PDE11A: variants seen among roughly 807,000 people sequenced by gnomAD.
PDE11A encodes phosphodiesterase 11A.
PDE11A carries 100 observed loss-of-function variants against 100.5 expected under a neutral mutation model. The observed-to-expected ratio is 1.00, with a 90% CI of 0.85 to 1.18. The LOEUF is 1.18. Ranked by LOEUF, PDE11A falls within the 50% of genes most tolerant of loss-of-function variation. The pLI is 0.00. For missense variants in PDE11A, 1,141 were observed against 1,152.6 expected (o/e 0.99, Z 0.15); for synonymous variants, 381 against 420.8 (o/e 0.91, Z 1.16).
At position 177,858,719 on chromosome 2, in the gene PDE11A, C is replaced by T. The variant is rs1371024290; in HGVS notation, c.1367+17140G>A. Among the ~76,000 whole-genome samples the T allele has an allele frequency of 2.0e-5, 3 of 152,194 alleles. No homozygotes were observed. The East Asian group carries it at 5.8e-4, about 29-fold the overall frequency. On this transcript the variant is annotated intron_variant, in intron 5 of 19. Coordinates refer to ENST00000286063, the MANE Select transcript of PDE11A (RefSeq NM_016953.4). ...CTCAGGGATCTAGAACTAGAAATAC[C>T]ATTTGACCCAGCCATCCCATTACTG... is the stretch of plus-strand genomic sequence containing the variant.
chr2:177,760,211 A>T (rs16865769), intron 10 of PDE11A, among the ~76,000 whole-genome samples: 21 of 152,276 alleles, frequency 1.4e-4, no homozygotes, highest in African/African-American at 2.2e-4. Context: ...GTGAGCCTCA[A>T]GTGAGATAAT....
chr2:177,977,815 G>A (rs2085829632), intron 2 of PDE11A, among the ~76,000 whole-genome samples: 1 of 139,582 alleles, frequency 7.2e-6, no homozygotes, highest in Non-Finnish European at 1.6e-5. Flanking sequence ...AGAAAAACAA[G>A]CAATGGGGAA....
chr2:177,861,901 A>G (rs2083951246), intron 5 of PDE11A, among the ~76,000 whole-genome samples: 1 of 151,922 alleles, frequency 6.6e-6, no homozygotes, highest in Non-Finnish European at 1.5e-5. Flanking sequence ...ATCTCACACC[A>G]TGTACAAAAA....
chr2:177,889,484 GT>G (rs368627763), intron 4 of PDE11A, among the ~76,000 whole-genome samples: 127 of 148,306 alleles, frequency 8.6e-4, no homozygotes, highest in African/African-American at 2.4e-3. Context: ...AATTTTGAAT[GT>G]TTTTTTTTTC....
At chr2:177,650,873 A>C (rs6748696) in intron 19 of PDE11A, among the ~76,000 whole-genome samples, 10,108 of 152,144 alleles carry the variant, frequency 0.066, 928 homozygotes, top group African/African-American at 0.21. Context: ...TAAAAATAGC[A>C]TGTTTCTTCT....
intron 4 of PDE11A, among the ~76,000 whole-genome samples, chr2:177,885,222 G>GTGTA (rs761316473): frequency 1.1e-3 from 171 of 151,796 alleles, no homozygotes; most frequent in Admixed American, 1.9e-3. Context: ...GTGTGTGTGT[G>GTGTA]TATATATAGT....
At chr2:177,931,986 C>A (rs1450258370) in intron 2 of PDE11A, among the ~76,000 whole-genome samples, 2 of 148,294 alleles carry the variant, frequency 1.3e-5, no homozygotes, top group Non-Finnish European at 3.0e-5. Context: ...AGTGGCATTA[C>A]AACTGATCCC....
intron 4 of PDE11A, among the ~76,000 whole-genome samples, chr2:177,892,925 A>T (rs1439173819): frequency 6.6e-6 from 1 of 152,172 alleles, no homozygotes; most frequent in African/African-American, 2.4e-5. Flanking sequence ...GGGACTCTAG[A>T]AAAGCTGTCA....
intron 2 of PDE11A, among the ~76,000 whole-genome samples, chr2:178,009,224 G>A (rs2086247322): frequency 6.6e-6 from 1 of 152,084 alleles, no homozygotes; most frequent in South Asian, 2.1e-4. Context: ...GAATAACAAA[G>A]TAATGACTTA....
At chr2:177,773,243 G>A (rs1335207426) in intron 9 of PDE11A, among the ~76,000 whole-genome samples, 2 of 151,976 alleles carry the variant, frequency 1.3e-5, no homozygotes, top group Non-Finnish European at 2.9e-5. Context: ...TGAACTCCTG[G>A]ATTCAAACAA....
chr2:178,068,237 T>C (rs532612275), intron 1 of PDE11A, among the ~76,000 whole-genome samples: 1 of 152,264 alleles, frequency 6.6e-6, no homozygotes, highest in Non-Finnish European at 1.5e-5. Flanking sequence ...GAATGTTTTT[T>C]TTTTTTCCAT....
chr2:177,993,285 A>G (rs1054839695), intron 2 of PDE11A, among the ~76,000 whole-genome samples: 6 of 152,164 alleles, frequency 3.9e-5, no homozygotes, highest in Admixed American at 2.6e-4. Context: ...TGTAACCTGG[A>G]GCAAATAATT....
chr2:177,750,351 A>G (rs775363819), intron 10 of PDE11A, among the ~76,000 whole-genome samples: 1 of 152,276 alleles, frequency 6.6e-6, no homozygotes, highest in African/African-American at 2.4e-5. Context: ...TACTGTAATT[A>G]AAGTGACTTG....
At chr2:177,791,239 G>A (rs966271753) in intron 9 of PDE11A, among the ~76,000 whole-genome samples, 1 of 151,894 alleles carries the variant, frequency 6.6e-6, no homozygotes, top group Admixed American at 6.5e-5. Context: ...CCTTTGTAGG[G>A]ACATGGATGA....
intron 1 of PDE11A, among the ~76,000 whole-genome samples, chr2:178,055,664 AT>A (rs1427062505): frequency 1.3e-5 from 2 of 152,116 alleles, no homozygotes; most frequent in African/African-American, 2.4e-5. Flanking sequence ...AATAATAATT[AT>A]TATTATCATG....
chr2:177,983,225 T>C (rs1235940787), intron 2 of PDE11A, among the ~76,000 whole-genome samples: 1 of 152,096 alleles, frequency 6.6e-6, no homozygotes, highest in Non-Finnish European at 1.5e-5. Context: ...ATTTCTCACT[T>C]TGTAATTTGT....
intron 9 of PDE11A, among the ~76,000 whole-genome samples, chr2:177,789,202 G>T (rs1392838768): frequency 6.6e-6 from 1 of 152,090 alleles, no homozygotes; most frequent in Admixed American, 6.5e-5. Flanking sequence ...GATCAAGTGG[G>T]CTTCATCCCT....
At chr2:177,857,020 A>G (rs1280645015) in intron 5 of PDE11A, among the ~76,000 whole-genome samples, 2 of 152,084 alleles carry the variant, frequency 1.3e-5, no homozygotes, top group East Asian at 1.9e-4. Context: ...AAACTGTCCT[A>G]AGACAATGAC....
chr2:177,705,256 A>G (rs193180279), intron 13 of PDE11A, among the ~76,000 whole-genome samples: 3 of 152,254 alleles, frequency 2.0e-5, no homozygotes, highest in Admixed American at 2.0e-4. Flanking sequence ...GATCAATCAC[A>G]TATGGAAAAA....
Sources: allele counts gnomAD v4.1 joint callset (sites outside exome capture counted in the v4.1 genomes callset), GRCh38; gene constraint gnomAD v4.1.1; transcripts MANE v1.5; gene names NCBI Gene and HGNC (gene_info 2026-07-23, HGNC 2026-07-21).